The following TTC7B variants were observed in gnomAD, a reference collection of about 807,000 sequenced individuals.
The protein encoded by TTC7B is tetratricopeptide repeat domain 7B.
A neutral mutation model predicts 106.8 loss-of-function variants in TTC7B; 28 were observed. That is an observed-to-expected ratio of 0.26 (90% confidence interval 0.19 to 0.36). The LOEUF (loss-of-function observed/expected upper bound fraction) is 0.36, where lower values mean the gene tolerates loss of function less well. TTC7B is among the 10% of genes least tolerant of loss of function. The pLI, the probability that TTC7B is intolerant of heterozygous loss-of-function variation, is 1.00. For synonymous variants in TTC7B, 405 were observed against 430.6 expected (o/e 0.94, Z 0.74); for missense variants, 862 against 1,076.4 (o/e 0.80, Z 2.79).
In TTC7B at chr14:90,680,664, C is replaced by T. The variant is rs1289161189; in HGVS notation, c.951-129G>A. 9 of 645,180 alleles carry T rather than the reference C, an allele frequency of 1.4e-5. No individual in the cohort carries two copies. The East Asian group carries it at 2.5e-4, about 18-fold the overall frequency. The allele number at this position is 645,180 out of a possible 1,614,324, so 40.0% of individuals were successfully genotyped here. A position where few individuals can be genotyped will look rare whatever the true frequency, so the allele number is the denominator to read the frequency against. ...TGAAAAATACTGTATAATTTGGACA[C>T]TTGAATTAATTTGCCTATTTCTATG... On this transcript the variant is annotated intron_variant, in intron 7 of 19. Transcript: ENST00000328459.
At chr14:90,683,643 A>G (rs956155383) in intron 7 of TTC7B, among the ~76,000 whole-genome samples, 4 of 152,120 alleles carry the variant, frequency 2.6e-5, no homozygotes, top group Admixed American at 1.3e-4. Flanking sequence ...CCCATGACAA[A>G]GAAAGAAGGG....
chr14:90,744,996 A>T, intron 3 of TTC7B, 74 bp from the exon 4 acceptor site: 3 of 1,458,754 alleles, frequency 2.1e-6, no homozygotes, highest in Non-Finnish European at 2.9e-6. Flanking sequence ...ATTGCTCTAG[A>T]GGGCCAGAAG....
chr14:90,663,733 G>A lies in TTC7B; in HGVS notation c.1153-5346C>T, dbSNP rs1224633307. ...ACCTCCCCTAACAAGCCATGAGGGT[G>A]TCCTAAAGAGAGTTAGGAAATCTGG... On this transcript the variant is annotated intron_variant, in intron 9 of 19. Coordinates refer to ENST00000328459, the MANE Select transcript of TTC7B (RefSeq NM_001010854.2). The surrounding 1 kb of genome is among the most constrained non-coding windows in gnomAD (Gnocchi z 4.5). Among the ~76,000 whole-genome samples the A allele has an allele frequency of 1.3e-5, 2 of 152,190 alleles. No homozygotes were observed. Among genetic ancestry groups the A allele is most frequent in the East Asian group, 1.9e-4 (1 of 5,200 alleles).
At chr14:90,676,797 A>T (rs1324059303) in intron 8 of TTC7B, 137 bp from the exon 9 acceptor site, 3 of 841,098 alleles carry the variant, frequency 3.6e-6, no homozygotes, top group African/African-American at 3.4e-5. Flanking sequence ...GAGGCCTGTC[A>T]TCTTGGGTTA....
At chr14:90,550,019 G>A (rs118155202) in intron 19 of TTC7B, among the ~76,000 whole-genome samples, 240 of 152,262 alleles carry the variant, frequency 1.6e-3, no homozygotes, top group Admixed American at 2.6e-3. Context: ...CTAAGACCAC[G>A]ACAGGCAAGG....
At chr14:90,632,049 G>A (rs1039915160) in intron 15 of TTC7B, among the ~76,000 whole-genome samples, 1 of 152,126 alleles carries the variant, frequency 6.6e-6, no homozygotes, top group African/African-American at 2.4e-5. Context: ...ACTCCATTGT[G>A]ACCCCTGTTG....
intron 15 of TTC7B, among the ~76,000 whole-genome samples, chr14:90,636,763 G>A (rs755387602): frequency 3.3e-5 from 5 of 151,808 alleles, no homozygotes; most frequent in Non-Finnish European, 2.9e-5. Flanking sequence ...TTTGACAATT[G>A]TAAAACACAG....
At chr14:90,602,115 T>C (rs768355608) in intron 17 of TTC7B, 10 of 455,956 alleles carry the variant, frequency 2.2e-5, no homozygotes, top group African/African-American at 6.0e-5. Flanking sequence ...GTATTTGCCA[T>C]AAGCTAAAGG....
Position 90,535,754 on chromosome 14 carries a change from T to C in TTC7B, c.*5614A>G, listed in dbSNP as rs1417571465. The stretch of plus-strand genomic sequence containing the variant: ...AAGAAAACCGCCACAGACAGGTGGC[T>C]TCAACAATGAACTTAATTTCTCACA... On this transcript the variant is annotated 3_prime_UTR_variant, in exon 20 of 20. Coordinates refer to ENST00000328459, the MANE Select transcript of TTC7B (RefSeq NM_001010854.2). The C allele has an allele frequency of 2.0e-5, 3 of 152,288 alleles. No individual in the cohort carries two copies. The highest frequency in any genetic ancestry group is 7.2e-5 in the African/African-American group (3 of 41,462). The allele number at this position is 152,288 out of a possible 1,614,324, so 9.4% of individuals were successfully genotyped here.
chr14:90,810,375 A>G (rs2030832320), intron 1 of TTC7B, among the ~76,000 whole-genome samples: 1 of 152,088 alleles, frequency 6.6e-6, no homozygotes, highest in Admixed American at 6.6e-5. Flanking sequence ...GTTGAAGGTT[A>G]CCCCCCATAG....
rs1017810708 is a variant in TTC7B, at chr14:90,528,070, G to A, written c.*13298C>T. ...AATAAGAGCTTCCGTATGTGATAAG[G>A]TTTCTCTCTGTGGATGACATAGCCA... is the stretch of plus-strand genomic sequence containing the variant. On this transcript the variant is annotated 3_prime_UTR_variant, in exon 20 of 20. Transcript: ENST00000328459. The A allele has an allele frequency of 2.0e-5, 3 of 152,094 alleles. No individual in the cohort carries two copies. Among genetic ancestry groups the A allele is most frequent in the Non-Finnish European group, 2.9e-5 (2 of 68,024 alleles). The allele number at this position is 152,094 out of a possible 1,614,324, so 9.4% of individuals were successfully genotyped here.
chr14:90,633,225 G>T (rs1884777319), intron 15 of TTC7B, among the ~76,000 whole-genome samples: 1 of 152,170 alleles, frequency 6.6e-6, no homozygotes, highest in African/African-American at 2.4e-5. Flanking sequence ...TTTGCTTTGT[G>T]GTGACATCTG....
intron 19 of TTC7B, among the ~76,000 whole-genome samples, chr14:90,549,123 G>A (rs113234059): frequency 0.013 from 1,850 of 139,950 alleles, 15 homozygotes; most frequent in Non-Finnish European, 0.021. Flanking sequence ...GCAAGACTCC[G>A]TCTCAAAAAA....
At chr14:90,747,287 A>C (rs1889997186) in intron 3 of TTC7B, among the ~76,000 whole-genome samples, 4 of 152,240 alleles carry the variant, frequency 2.6e-5, no homozygotes, top group Admixed American at 2.6e-4. Context: ...AGCACTGTCT[A>C]TAGGACTCGA....
chr14:90,649,641 A>G (rs1229764119), intron 13 of TTC7B, among the ~76,000 whole-genome samples: 1 of 152,182 alleles, frequency 6.6e-6, no homozygotes, highest in African/African-American at 2.4e-5. Flanking sequence ...TGCTTCCCTT[A>G]TCAAAGCACC....
intron 5 of TTC7B, among the ~76,000 whole-genome samples, chr14:90,717,124 G>A (rs1475366688): frequency 1.3e-5 from 2 of 152,174 alleles, no homozygotes; most frequent in Admixed American, 6.5e-5. Flanking sequence ...CAGATCACGA[G>A]GTCAGGTGAT....
chr14:90,559,198 G>A (rs538983882), intron 19 of TTC7B, among the ~76,000 whole-genome samples: 1 of 152,282 alleles, frequency 6.6e-6, no homozygotes, highest in Non-Finnish European at 1.5e-5. Flanking sequence ...GTATGGGTCA[G>A]TTAACAAGGA....
chr14:90,652,376 G>A (rs751890756), intron 13 of TTC7B, among the ~76,000 whole-genome samples: 42 of 150,472 alleles, frequency 2.8e-4, no homozygotes, highest in Non-Finnish European at 5.6e-4. Context: ...TATGGAACAA[G>A]GTGGGGGCGG....
chr14:90,801,975 C>T (rs1048387677), intron 1 of TTC7B, among the ~76,000 whole-genome samples: 3 of 151,618 alleles, frequency 2.0e-5, no homozygotes, highest in Non-Finnish European at 2.9e-5. Context: ...GCAGGAGAAT[C>T]GCTTGAACCC....
Sources: gnomAD v4.1 joint callset for allele counts (sites outside exome capture counted in the v4.1 genomes callset) on GRCh38, gnomAD v4.1.1 for gene constraint, Gnocchi (gnomAD v3.1) non-coding constraint, MANE v1.5 for transcripts, NCBI Gene and HGNC (gene_info 2026-07-23, HGNC 2026-07-21) for gene names.